The following CCDC57 variants were observed in gnomAD, a reference collection of about 807,000 sequenced individuals.
CCDC57 encodes the protein coiled-coil domain containing 57.
Under a neutral mutation model 118.9 loss-of-function variants are expected in CCDC57, and 118 were observed. The observed-to-expected ratio is 0.99, with a 90% CI of 0.86 to 1.16. The LOEUF (loss-of-function observed/expected upper bound fraction) is 1.16, where lower values mean the gene tolerates loss of function less well. Among genes scored for constraint, CCDC57 ranks in the 50% most tolerant of loss-of-function variants. CCDC57 has a pLI of 0.00. For missense variants in CCDC57, 1,300 were observed against 1,320.7 expected (o/e 0.98, Z 0.24); for synonymous variants, 527 against 532.9 (o/e 0.99, Z 0.15).
At chr17:82,168,793 A>C (rs1489884157) in intron 13 of CCDC57, among the ~76,000 whole-genome samples, 1 of 20,676 alleles carries the variant, frequency 4.8e-5, no homozygotes, top group Non-Finnish European at 1.2e-4. Flanking sequence ...CAATTATCCT[A>C]AAAAAAAAAA....
intron 19 of CCDC57, among the ~76,000 whole-genome samples, chr17:82,107,922 C>T (rs1157041426): frequency 6.6e-6 from 1 of 152,160 alleles, no homozygotes; most frequent in Non-Finnish European, 1.5e-5. Flanking sequence ...CCCAGAGTCA[C>T]GGCACGGACG....
At chr17:82,136,270 T>A (rs1038606394) in intron 16 of CCDC57, among the ~76,000 whole-genome samples, 2 of 152,106 alleles carry the variant, frequency 1.3e-5, no homozygotes, top group Non-Finnish European at 2.9e-5. Context: ...AGGAATTAAG[T>A]GCAGACGCCC....
At chr17:82,175,221 C>A (rs2045315374) in intron 11 of CCDC57, among the ~76,000 whole-genome samples, 1 of 152,152 alleles carries the variant, frequency 6.6e-6, no homozygotes, top group Non-Finnish European at 1.5e-5. Context: ...AGGGGTAGAC[C>A]CTGGAAGGCC....
At chr17:82,194,333 C>CA in intron 5 of CCDC57, 194 bp from the exon 5 acceptor site, 1 of 569,848 alleles carries the variant, frequency 1.8e-6, no homozygotes, top group Non-Finnish European at 3.0e-6. Context: ...TTTTTGGAGA[C>CA]AGAGTCTTGC....
chr17:82,197,769 G>T (rs1267297698), intron 4 of CCDC57, among the ~76,000 whole-genome samples: 3 of 152,116 alleles, frequency 2.0e-5, no homozygotes, highest in African/African-American at 7.2e-5. Context: ...TGAATAGAAC[G>T]AAATGCAAGG....
intron 19 of CCDC57, chr17:82,126,477 GACC>G (rs2065971019): frequency 1.0e-6 from 1 of 975,184 alleles, no homozygotes; most frequent in African/African-American, 1.8e-5. Flanking sequence ...CAATAAGAAA[GACC>G]ACAATCTAAT....
At chr17:82,145,753 CCT>C (rs967934767) in intron 16 of CCDC57, 5 of 442,658 alleles carry the variant, frequency 1.1e-5, no homozygotes, top group African/African-American at 8.4e-5. Context: ...CCTGCAGGCC[CCT>C]GAGTGGGGCT....
chr17:82,108,703 C>A (rs552377609), intron 19 of CCDC57: 5 of 152,254 alleles, frequency 3.3e-5, no homozygotes, highest in Non-Finnish European at 7.3e-5. Flanking sequence ...GAGGCGGTGA[C>A]TGTGAGCGTG....
exon 20 of CCDC57, chr17:82,101,671 G>C (rs768392903): frequency 6.3e-7 from 1 of 1,591,568 alleles, no homozygotes; most frequent in Non-Finnish European, 8.5e-7. Flanking sequence ...GGGCGGGGTG[G>C]GGGGAGGAAG....
intron 7 of CCDC57, among the ~76,000 whole-genome samples, chr17:82,190,661 C>G (rs1171713822): frequency 6.8e-6 from 1 of 146,960 alleles, no homozygotes; most frequent in African/African-American, 2.6e-5. Flanking sequence ...CACCACTGCA[C>G]CATCTGCCTG....
chr17:82,125,103 A>C (rs2037243552), intron 19 of CCDC57, among the ~76,000 whole-genome samples: 1 of 152,174 alleles, frequency 6.6e-6, no homozygotes, highest in African/African-American at 2.4e-5. Flanking sequence ...CCAGCACTGG[A>C]GCACACGGGG....
At chr17:82,130,318 C>G (rs773237293) in intron 17 of CCDC57, among the ~76,000 whole-genome samples, 15 of 151,588 alleles carry the variant, frequency 9.9e-5, no homozygotes, top group Admixed American at 9.2e-4. Context: ...CTCAGCCTTC[C>G]GAGTAGCTGG....
intron 1 of CCDC57, chr17:82,208,103 T>C (rs2049879158): frequency 6.6e-6 from 1 of 151,108 alleles, no homozygotes; most frequent in Admixed American, 6.6e-5. Context: ...AGAGAAGGGG[T>C]TTCTCCATGT....
intron 2 of CCDC57, among the ~76,000 whole-genome samples, chr17:82,206,832 C>CA (rs1324804022): frequency 6.6e-6 from 1 of 152,182 alleles, no homozygotes; most frequent in East Asian, 1.9e-4. Context: ...AATTATAACT[C>CA]AGACAGTGAA....
chr17:82,110,616 T>G (rs1370296577), intron 19 of CCDC57, among the ~76,000 whole-genome samples: 1 of 152,236 alleles, frequency 6.6e-6, no homozygotes, highest in African/African-American at 2.4e-5. Flanking sequence ...CTCAATTCAT[T>G]TCAAATGTAA....
intron 7 of CCDC57, among the ~76,000 whole-genome samples, chr17:82,189,181 C>T (rs1167465094): frequency 6.6e-6 from 1 of 151,782 alleles, no homozygotes; most frequent in Non-Finnish European, 1.5e-5. Context: ...GGTGGGAGGA[C>T]CACCGGAGCG....
At chr17:82,190,278 T>C (rs1257634229) in intron 7 of CCDC57, among the ~76,000 whole-genome samples, 1 of 152,316 alleles carries the variant, frequency 6.6e-6, no homozygotes, top group East Asian at 1.9e-4. Flanking sequence ...TTGTGTTTAG[T>C]GTAATACTGT....
chr17:82,136,312 G>A (rs913033604), intron 16 of CCDC57, among the ~76,000 whole-genome samples: 1 of 152,206 alleles, frequency 6.6e-6, no homozygotes, highest in Non-Finnish European at 1.5e-5. Context: ...AGGACACAGA[G>A]GGAAAGAAGC....
chr17:82,201,258 C>A (rs2048958040), intron 3 of CCDC57, among the ~76,000 whole-genome samples: 1 of 152,122 alleles, frequency 6.6e-6, no homozygotes, highest in African/African-American at 2.4e-5. Flanking sequence ...AAATAAATTC[C>A]AAATATTAAA....
Sources: allele counts gnomAD v4.1 joint callset (sites outside exome capture counted in the v4.1 genomes callset), GRCh38; gene constraint gnomAD v4.1.1; transcripts MANE v1.5; gene names NCBI Gene and HGNC (gene_info 2026-07-23, HGNC 2026-07-21).